Variants in RBFOX1 observed in about 807,000 individuals in gnomAD.
RBFOX1 encodes the protein RNA binding protein fox-1 homolog 1.
In RBFOX1, 8 loss-of-function variants were observed where a neutral mutation model predicts 57.7. That is an observed-to-expected ratio of 0.14 (90% CI 0.08 to 0.25). The LOEUF is 0.25. RBFOX1 is among the 10% of genes least tolerant of loss of function. The probability of loss-of-function intolerance (pLI) is 1.00; values close to 1 mark genes in which losing one functional copy is unlikely to be tolerated. For missense variants in RBFOX1, 611 were observed against 548.5 expected, an observed-to-expected ratio of 1.11 and a Z score of -1.14; for synonymous variants, 326 against 222.4, an observed-to-expected ratio of 1.47 and a Z score of -4.15.
chr16:7,710,404 A>G, intron 15 of RBFOX1: 1 of 1,390,084 alleles, frequency 7.2e-7, no homozygotes, highest in Non-Finnish European at 9.2e-7. Context: ...GGACTGGCTG[A>G]CAGAATTTGG....
intron 2 of RBFOX1, among the ~76,000 whole-genome samples, chr16:5,528,992 T>C (rs772384276): frequency 1.3e-5 from 2 of 152,000 alleles, no homozygotes; most frequent in Non-Finnish European, 2.9e-5. Flanking sequence ...CTGATTCTCA[T>C]CTGGTTGCAT....
At chr16:7,031,930 C>T (rs1010427948) in intron 3 of RBFOX1, among the ~76,000 whole-genome samples, 1 of 152,092 alleles carries the variant, frequency 6.6e-6, no homozygotes, top group African/African-American at 2.4e-5. Context: ...CTGCTTTCTT[C>T]CAGCAGCCAA....
At chr16:5,959,828 G>C (rs996505944) in intron 4 of RBFOX1, among the ~76,000 whole-genome samples, 2 of 152,126 alleles carry the variant, frequency 1.3e-5, no homozygotes, top group African/African-American at 4.8e-5. Flanking sequence ...AAGAAATAAA[G>C]AAAGAAAGAA....
At chr16:6,729,500 C>A (rs1201550023) in intron 3 of RBFOX1, among the ~76,000 whole-genome samples, 1 of 152,086 alleles carries the variant, frequency 6.6e-6, no homozygotes, top group Non-Finnish European at 1.5e-5. Context: ...TTTAAAGTGC[C>A]AGTTTAGACA....
At chr16:5,625,933 A>G (rs993268108) in intron 3 of RBFOX1, among the ~76,000 whole-genome samples, 38 of 142,328 alleles carry the variant, frequency 2.7e-4, no homozygotes, top group African/African-American at 8.2e-4. Context: ...CTAGAGTTCA[A>G]TGGCACAATC....
intron 3 of RBFOX1, among the ~76,000 whole-genome samples, chr16:6,923,746 G>C (rs914168350): frequency 1.3e-5 from 2 of 152,094 alleles, no homozygotes; most frequent in Admixed American, 1.3e-4. Context: ...CAGGAACACA[G>C]ATATCAAAGC....
At chr16:6,025,344 T>G (rs928975921) in intron 1 of RBFOX1, among the ~76,000 whole-genome samples, 2 of 152,204 alleles carry the variant, frequency 1.3e-5, no homozygotes, top group Non-Finnish European at 2.9e-5. Context: ...AAATCTTTCA[T>G]TCAAGAAGAG....
chr16:6,388,906 T>G (rs972737297), intron 2 of RBFOX1, among the ~76,000 whole-genome samples: 1 of 152,212 alleles, frequency 6.6e-6, no homozygotes, highest in African/African-American at 2.4e-5. Flanking sequence ...GAGAGTAGAA[T>G]GGCGGTTTCC....
intron 4 of RBFOX1, among the ~76,000 whole-genome samples, chr16:7,129,513 A>T (rs1157299146): frequency 6.6e-6 from 1 of 152,110 alleles, no homozygotes; most frequent in African/African-American, 2.4e-5. Context: ...CAAGGATAAG[A>T]CCTTGCCATG....
intron 3 of RBFOX1, among the ~76,000 whole-genome samples, chr16:5,683,169 G>A (rs1246639743): frequency 6.6e-6 from 1 of 150,948 alleles, no homozygotes; most frequent in Non-Finnish European, 1.5e-5. Flanking sequence ...GGGGGGTGGG[G>A]GCGCCAGATC....
intron 3 of RBFOX1, among the ~76,000 whole-genome samples, chr16:6,899,907 C>T (rs1051951088): frequency 4.6e-5 from 7 of 152,108 alleles, no homozygotes; most frequent in East Asian, 1.9e-4. Context: ...TTTTTTTGCC[C>T]ATGTTCTGAC....
At chr16:6,571,003 C>T (rs1034106503) in intron 2 of RBFOX1, among the ~76,000 whole-genome samples, 3 of 152,058 alleles carry the variant, frequency 2.0e-5, no homozygotes, top group African/African-American at 7.2e-5. Context: ...TAAATATAGA[C>T]TCCTGTGGAA....
intron 2 of RBFOX1, among the ~76,000 whole-genome samples, chr16:6,346,207 T>C (rs1356378512): frequency 1.3e-5 from 2 of 152,168 alleles, no homozygotes; most frequent in East Asian, 1.9e-4. Context: ...TGAATACTTA[T>C]TATATATAGT....
intron 2 of RBFOX1, among the ~76,000 whole-genome samples, chr16:6,347,611 G>A (rs377603588): frequency 2.0e-5 from 3 of 152,270 alleles, no homozygotes; most frequent in Admixed American, 1.3e-4. Flanking sequence ...CGCAAGAGAC[G>A]GTTGGGTGAA....
At chr16:6,445,035 C>A (rs189835975) in intron 2 of RBFOX1, among the ~76,000 whole-genome samples, 3 of 152,012 alleles carry the variant, frequency 2.0e-5, no homozygotes, top group East Asian at 3.9e-4. Flanking sequence ...GATGATGAGA[C>A]CCTGTTGAGG....
chr16:7,033,582 T>C (rs2043390231), intron 3 of RBFOX1, among the ~76,000 whole-genome samples: 1 of 152,114 alleles, frequency 6.6e-6, no homozygotes, highest in Admixed American at 6.5e-5. Context: ...TCATCATGGG[T>C]GATATGCTTA....
chr16:6,606,038 G>A (rs2097920614), intron 2 of RBFOX1, among the ~76,000 whole-genome samples: 1 of 152,072 alleles, frequency 6.6e-6, no homozygotes, highest in African/African-American at 2.4e-5. Flanking sequence ...GAACCCAGGA[G>A]GTGGAGGTTG....
In RBFOX1 at chr16:6,565,799, C is replaced by T. The variant is rs11863898; in HGVS notation, c.-63-88804C>T. 4.0e-3 allele frequency among the ~76,000 whole-genome samples: 611 copies of T among 152,266 alleles called. 8 individuals carry two copies. The highest frequency in any genetic ancestry group is 0.014 in the African/African-American group (571 of 41,552). ...TTCTTTAATTTTTGCTATAAGCTCA[C>T]CTGATGAAAAAAAGAGCTGGAAGGA... On this transcript the variant is annotated intron_variant, in intron 2 of 15. Transcript: ENST00000550418.
intron 4 of RBFOX1, among the ~76,000 whole-genome samples, chr16:5,882,028 C>G (rs2057776939): frequency 6.6e-6 from 1 of 152,148 alleles, no homozygotes. Context: ...CAATTATTCC[C>G]CACCACATTC....
Sources: allele counts gnomAD v4.1 joint callset (sites outside exome capture counted in the v4.1 genomes callset), GRCh38; gene constraint gnomAD v4.1.1; transcripts MANE v1.5; gene names NCBI Gene and HGNC (gene_info 2026-07-23, HGNC 2026-07-21).